Variants in CHM observed in about 807,000 individuals in gnomAD.
The protein encoded by CHM is rab proteins geranylgeranyltransferase component A 1.
Under a neutral mutation model 49.0 loss-of-function variants are expected in CHM, and 10 were observed. That is an observed-to-expected ratio of 0.20 (90% CI 0.13 to 0.35). The LOEUF is 0.35. CHM is among the 10% of genes least tolerant of loss of function. The probability of loss-of-function intolerance (pLI) is 1.00; values close to 1 mark genes in which losing one functional copy is unlikely to be tolerated. For synonymous variants in CHM, 184 were observed against 167.5 expected, an observed-to-expected ratio of 1.10 and a Z score of -0.76; for missense variants, 455 against 478.4, an observed-to-expected ratio of 0.95 and a Z score of 0.46.
At chrX:85,969,364 T>A (rs776145037) in intron 4 of CHM, 460 of 731,558 alleles carry the variant, frequency 6.3e-4, no homozygotes, top group Non-Finnish European at 7.2e-4. Context: ...TTTGTGTGAT[T>A]TAAGTGTGAA....
chrX:85,951,612 G>A (rs761450991), intron 8 of CHM, among the ~76,000 whole-genome samples: 1 of 111,628 alleles, frequency 9.0e-6, no homozygotes, highest in Non-Finnish European at 1.9e-5. Context: ...AAATCAATAA[G>A]ACAACAACCC....
At chrX:85,992,765 T>A (rs1932264729) in intron 2 of CHM, among the ~76,000 whole-genome samples, 1 of 112,154 alleles carries the variant, frequency 8.9e-6, no homozygotes, top group African/African-American at 3.2e-5. Context: ...ACGTACAACA[T>A]GTTGTTTTGA....
intron 2 of CHM, among the ~76,000 whole-genome samples, chrX:86,023,084 T>C (rs1448919431): frequency 9.0e-6 from 1 of 111,360 alleles, no homozygotes; most frequent in Non-Finnish European, 1.9e-5. Flanking sequence ...AACTAGACCA[T>C]TGCAAACAGC....
chrX:85,871,034 C>T (rs1024716535), intron 14 of CHM, among the ~76,000 whole-genome samples: 5 of 109,661 alleles, frequency 4.6e-5, no homozygotes, highest in South Asian at 3.9e-4. Flanking sequence ...GAAATCGGGC[C>T]GGGTGTGGTG....
At position 86,047,512 on chromosome X, in the gene CHM, C is replaced by A. The variant is rs747507466; in HGVS notation, c.21G>T (p.Ser7=). Residue 7 remains serine, a synonymous_variant, in exon 1 of 15, where the codon TCG becomes TCT. Coordinates refer to ENST00000357749, the MANE Select transcript of CHM (RefSeq NM_000390.4). MADTLP[S]EFDVIVIGTG... Reference sequence around the variant, plus strand: ...TCCCTATTACGATCACATCAAACTCCGAAGGGAGAGTATCCGCCATCTTGA... The same window carrying A: ...TCCCTATTACGATCACATCAAACTCAGAAGGGAGAGTATCCGCCATCTTGA... 3 of 1,206,657 alleles carry A rather than the reference C, an allele frequency of 2.5e-6. No homozygotes were observed. In the South Asian group the frequency reaches 5.3e-5, roughly 22 times the overall value.
At chrX:85,925,299 C>T (rs1168342805) in intron 8 of CHM, among the ~76,000 whole-genome samples, 8 of 111,156 alleles carry the variant, frequency 7.2e-5, no homozygotes, top group African/African-American at 2.6e-4. Flanking sequence ...TAGCTTATCA[C>T]AATGATGTCA....
intron 8 of CHM, among the ~76,000 whole-genome samples, chrX:85,949,936 C>T (rs1336694747): frequency 1.1e-5 from 1 of 89,455 alleles, no homozygotes; most frequent in Non-Finnish European, 2.1e-5. Flanking sequence ...AATACAAACC[C>T]TAACCTGAAA....
At chrX:85,929,429 A>G (rs1385653583) in intron 8 of CHM, among the ~76,000 whole-genome samples, 1 of 111,382 alleles carries the variant, frequency 9.0e-6, no homozygotes, top group African/African-American at 3.3e-5. Flanking sequence ...CCTGTCTATT[A>G]CCCTATTTGC....
At chrX:85,971,520 G>C in intron 4 of CHM, 1 of 274,142 alleles carries the variant, frequency 3.6e-6, no homozygotes, top group Non-Finnish European at 7.0e-6. Context: ...TTGTGGTCTC[G>C]GTGGGCGCAG....
At position 85,885,584 on chromosome X, in the gene CHM, T is replaced by C. The variant is rs1249694816; in HGVS notation, c.1511-6521A>G. Among the ~76,000 whole-genome samples, 12 of 111,528 alleles carry C rather than the reference T, an allele frequency of 1.1e-4. No homozygotes were observed. In the Admixed American group the frequency reaches 1.1e-3, roughly 11 times the overall value. ...CATCATTTACTTTCTATAAAATTCA[T>C]TTTATAAACTTTGAGGTATGCGTAC... On this transcript the variant is annotated intron_variant, in intron 12 of 14. Coordinates refer to ENST00000357749, the MANE Select transcript of CHM (RefSeq NM_000390.4).
intron 11 of CHM, among the ~76,000 whole-genome samples, chrX:85,899,901 C>T (rs906313949): frequency 1.7e-4 from 19 of 110,603 alleles, no homozygotes; most frequent in Middle Eastern, 4.8e-3. Context: ...ATTAACAAGA[C>T]AAGACATAAC....
intron 4 of CHM, chrX:85,970,467 T>G: frequency 2.7e-6 from 2 of 751,137 alleles, no homozygotes; most frequent in Non-Finnish European, 3.1e-6. Flanking sequence ...TGTGCATACA[T>G]GTGTTTACCT....
At chrX:86,006,784 T>C (rs1932865718) in intron 2 of CHM, among the ~76,000 whole-genome samples, 1 of 111,788 alleles carries the variant, frequency 8.9e-6, no homozygotes, top group Non-Finnish European at 1.9e-5. Context: ...GGAAGAACAT[T>C]CCATTCGCAT....
At chrX:86,010,771 T>C (rs948875161) in intron 2 of CHM, among the ~76,000 whole-genome samples, 1 of 111,631 alleles carries the variant, frequency 9.0e-6, no homozygotes, top group African/African-American at 3.3e-5. Context: ...CTATAAATTA[T>C]AATTAGAGTA....
At chrX:85,983,134 T>C (rs1041547985) in intron 2 of CHM, among the ~76,000 whole-genome samples, 4 of 111,392 alleles carry the variant, frequency 3.6e-5, no homozygotes, top group Non-Finnish European at 1.9e-5. Flanking sequence ...AAATACTGCT[T>C]TTCTCTAACA....
chrX:85,923,058 C>A (rs1927884532), intron 8 of CHM, among the ~76,000 whole-genome samples: 1 of 111,672 alleles, frequency 9.0e-6, no homozygotes, highest in African/African-American at 3.3e-5. Flanking sequence ...TAATGATGTG[C>A]AAATTGCAAA....
chrX:85,868,409 T>C (rs1923844461), intron 14 of CHM, among the ~76,000 whole-genome samples: 1 of 111,076 alleles, frequency 9.0e-6, no homozygotes, highest in African/African-American at 3.3e-5. Flanking sequence ...AGACTCACCA[T>C]ACTCCTTTGC....
chrX:85,945,094 C>A (rs73630484), intron 8 of CHM, among the ~76,000 whole-genome samples: 1,327 of 110,923 alleles, frequency 0.012, 16 homozygotes, highest in African/African-American at 0.041. Flanking sequence ...AACACATGGA[C>A]ACATAGAGGG....
intron 12 of CHM, among the ~76,000 whole-genome samples, chrX:85,879,950 A>AT (rs373909146): frequency 1.5e-3 from 160 of 108,187 alleles, no homozygotes; most frequent in South Asian, 8.6e-3. Flanking sequence ...GACTACTAGA[A>AT]TTTTTTTTTT....
Sources: gnomAD v4.1 joint callset for allele counts (sites outside exome capture counted in the v4.1 genomes callset) on GRCh38, gnomAD v4.1.1 for gene constraint, MANE v1.5 for transcripts, NCBI Gene and HGNC (gene_info 2026-07-23, HGNC 2026-07-21) for gene names.